DYNC1LI2: variants seen among roughly 807,000 people sequenced by gnomAD.
The protein encoded by DYNC1LI2 is dynein cytoplasmic 1 light intermediate chain 2.
Under a neutral mutation model 57.8 loss-of-function variants are expected in DYNC1LI2, and 19 were observed. The ratio of observed to expected loss-of-function variants is 0.33; its 90% confidence interval spans 0.23 to 0.48. The LOEUF (loss-of-function observed/expected upper bound fraction) is 0.48. Among genes scored for constraint, DYNC1LI2 ranks in the 20% least tolerant of loss-of-function variants. The probability of loss-of-function intolerance (pLI) is 0.99; values close to 1 mark genes in which losing one functional copy is unlikely to be tolerated. For synonymous variants in DYNC1LI2, 256 were observed against 233.4 expected (o/e 1.10, Z -0.88); for missense variants, 470 against 604.2 (o/e 0.78, Z 2.33).
chr16:66,724,164 T>C (rs976616947), intron 12 of DYNC1LI2, among the ~76,000 whole-genome samples: 102 of 152,258 alleles, frequency 6.7e-4, no homozygotes, highest in African/African-American at 2.5e-3. Flanking sequence ...TTCCTAGAGG[T>C]AGTACCTGAA....
chr16:66,732,206 A>G lies in DYNC1LI2; in HGVS notation c.929+133T>C, dbSNP rs1395565264. On this transcript the variant is annotated intron_variant, in intron 7 of 12. Transcript: ENST00000258198. ...GATGCCTCATAATCCGGAAAGGAAC[A>G]GAGAGAAGGTGCAGTGAGAGAGCTG... 2.6e-6 allele frequency: 3 copies of G among 1,145,286 alleles called. No individual in the cohort carries two copies. The African/African-American group carries it at 4.7e-5, about 18-fold the overall frequency. 70.9% of individuals were successfully genotyped at this position (1,145,286 alleles called of 1,614,324 possible). A position where few individuals can be genotyped will look rare whatever the true frequency, so the allele number is the denominator to read the frequency against.
At chr16:66,732,154 G>A (rs944230481) in intron 7 of DYNC1LI2, 185 bp downstream of exon 7, 1 of 787,742 alleles carries the variant, frequency 1.3e-6, no homozygotes, top group Non-Finnish European at 1.9e-6. Context: ...CAGCACCCCT[G>A]ACCACACCAC....
intron 7 of DYNC1LI2, chr16:66,732,128 T>C: frequency 1.8e-6 from 1 of 552,828 alleles, no homozygotes; most frequent in Non-Finnish European, 2.9e-6. Context: ...GGCAACTTGC[T>C]CTCGAGGAAG....
At chr16:66,740,233 G>C (rs2017812581) in intron 4 of DYNC1LI2, among the ~76,000 whole-genome samples, 1 of 152,160 alleles carries the variant, frequency 6.6e-6, no homozygotes, top group Non-Finnish European at 1.5e-5. Flanking sequence ...AACCCTAAAA[G>C]AGACTGGCCG....
chr16:66,730,197 T>C lies in DYNC1LI2; in HGVS notation c.956A>G (p.Lys319Arg). The change falls in exon 8 of 13, where the codon AAA (lysine) becomes AGA (arginine). Residue 319 changes from lysine to arginine, a missense_variant. Lys to Arg is a conservative substitution (Grantham distance 26). Coordinates refer to ENST00000258198, the MANE Select transcript of DYNC1LI2 (RefSeq NM_006141.3). ...AAAATTTTCATGTAAAATAGCTATT[T>C]TCTTTTCATTGTCCCAGCCTGCAGG... ...FIPAGWDNEKKIAILHENFTT... is the reference protein window; with the variant it reads ...FIPAGWDNEKRIAILHENFTT... 1 of 1,613,866 alleles carries C rather than the reference T, an allele frequency of 6.2e-7. No homozygotes were observed. Among genetic ancestry groups the C allele is most frequent in the East Asian group, 2.2e-5 (1 of 44,890 alleles).
chr16:66,722,967 T>C lies in DYNC1LI2; in HGVS notation c.*755A>G, dbSNP rs1023965250. 1.1e-5 allele frequency: 2 copies of C among 178,634 alleles called. No individual in the cohort carries two copies. The highest frequency in any genetic ancestry group is 2.4e-5 in the African/African-American group (1 of 42,516). The allele number at this position is 178,634 out of a possible 1,614,324, so 11.1% of individuals were successfully genotyped here. A position where few individuals can be genotyped will look rare whatever the true frequency, so the allele number is the denominator to read the frequency against. On this transcript the variant is annotated 3_prime_UTR_variant, in exon 13 of 13. Coordinates refer to ENST00000258198, the MANE Select transcript of DYNC1LI2 (RefSeq NM_006141.3). ...CTGTCTGCCCCACAACACATATCCG[T>C]GGACCCCAGTACCTCTCACGAGGAC...
In DYNC1LI2 at chr16:66,729,080, A is replaced by T; in HGVS notation, c.1061T>A (p.Leu354Ter). Reference sequence around the variant, plus strand: ...GAACACCTGCTCATCTTCTGCTGCCAACTCTTTGTCGTGGACCAGCTGTGA... The same window carrying T: ...GAACACCTGCTCATCTTCTGCTGCCTACTCTTTGTCGTGGACCAGCTGTGA... ...PVRKLVHDKE[L>*]AAEDEQVFLM... Residue 354 changes from leucine (L) to a stop codon, truncating the protein, a stop_gained, in exon 9 of 13, where the codon TTG becomes TAG. Coordinates refer to ENST00000258198, the MANE Select transcript of DYNC1LI2 (RefSeq NM_006141.3). LOFTEE classifies it high-confidence loss of function. 1 of 1,614,180 alleles carries T rather than the reference A, an allele frequency of 6.2e-7. No homozygotes were observed. Among genetic ancestry groups the T allele is most frequent in the Admixed American group, 1.7e-5 (1 of 60,026 alleles).
rs71145936 is a variant in DYNC1LI2 at position 66,735,100 on chromosome 16, G to GTTT, written c.700-792_700-790dup. ...ATTTCTCTATGACTGAACTTTGTTT[G>GTTT]TTTTTTTTTTCTTTTTTTTTTGAGA... On this transcript the variant is annotated intron_variant, in intron 5 of 12. Transcript: ENST00000258198. Among the ~76,000 whole-genome samples the GTTT allele has an allele frequency of 3.7e-3, 496 of 134,462 alleles. 2 individuals carry two copies. The highest frequency in any genetic ancestry group is 5.7e-3 in the African/African-American group (206 of 36,120). The allele number at this position is 134,462 out of a possible 152,430, so 88.2% of individuals were successfully genotyped here.
At chr16:66,739,731 T>G (rs1026015788) in intron 4 of DYNC1LI2, among the ~76,000 whole-genome samples, 2 of 152,212 alleles carry the variant, frequency 1.3e-5, no homozygotes, top group African/African-American at 4.8e-5. Context: ...CCTGGCCAAC[T>G]TAGCATTTTA....
At chr16:66,742,299 A>G in intron 4 of DYNC1LI2, 139 bp downstream of exon 4, 1 of 797,032 alleles carries the variant, frequency 1.3e-6, no homozygotes, top group East Asian at 2.7e-5. Context: ...AGTTTACAAG[A>G]GGAACTCTGA....
chr16:66,745,312 T>C, intron 3 of DYNC1LI2, among the ~76,000 whole-genome samples: 1 of 152,148 alleles, frequency 6.6e-6, no homozygotes, highest in East Asian at 1.9e-4. Flanking sequence ...GACTGGAGTG[T>C]AGTGGTGTGG....
intron 3 of DYNC1LI2, among the ~76,000 whole-genome samples, chr16:66,747,022 G>A (rs2017948099): frequency 6.6e-6 from 1 of 151,974 alleles, no homozygotes; most frequent in African/African-American, 2.4e-5. Flanking sequence ...AGTGGGCCTA[G>A]ATGAGTACCC....
chr16:66,729,076 T>C lies in DYNC1LI2; in HGVS notation c.1065A>G (p.Ala355=). The C allele has an allele frequency of 1.9e-6, 3 of 1,614,230 alleles. No individual in the cohort carries two copies. The highest frequency in any genetic ancestry group is 2.5e-6 in the Non-Finnish European group (3 of 1,180,050). Residue 355 remains alanine (A), a synonymous_variant, in exon 9 of 13, where the codon GCA becomes GCG. Coordinates refer to ENST00000258198, the MANE Select transcript of DYNC1LI2 (RefSeq NM_006141.3). ...VRKLVHDKEL[A]AEDEQVFLMK... Reference sequence around the variant, plus strand: ...TTAGGAACACCTGCTCATCTTCTGCTGCCAACTCTTTGTCGTGGACCAGCT... The same window carrying C: ...TTAGGAACACCTGCTCATCTTCTGCCGCCAACTCTTTGTCGTGGACCAGCT...
chr16:66,736,309 A>G (rs1178604180), intron 4 of DYNC1LI2, 65 bp from the exon 5 acceptor site: 11 of 1,564,428 alleles, frequency 7.0e-6, no homozygotes, highest in Non-Finnish European at 9.6e-6. Context: ...GCTTTAGAAC[A>G]CTGAAAAGAA....
intron 3 of DYNC1LI2, among the ~76,000 whole-genome samples, chr16:66,743,833 C>T (rs2017885204): frequency 6.6e-6 from 1 of 152,114 alleles, no homozygotes; most frequent in African/African-American, 2.4e-5. Flanking sequence ...TCATCACTTA[C>T]ATAAACTGAG....
chr16:66,728,234 A>T lies in DYNC1LI2; in HGVS notation c.1110T>A (p.Leu370=), dbSNP rs1407815143. The T allele has an allele frequency of 3.0e-5, 49 of 1,614,024 alleles. No homozygotes were observed. The highest frequency in any genetic ancestry group is 4.0e-5 in the Non-Finnish European group (47 of 1,180,022). The part of the protein sequence containing the change: ...QVFLMKQQSL[L]AKQPATPTRA... The stretch of plus-strand genomic sequence containing the variant: ...TCGTGGGAGTGGCTGGTTGCTTGGC[A>T]AGGAGTGACTGCAAAGAGAGGGACA... Residue 370 remains leucine (L), a synonymous_variant, in exon 10 of 13, where the codon CTT becomes CTA. Coordinates refer to ENST00000258198, the MANE Select transcript of DYNC1LI2 (RefSeq NM_006141.3).
intron 5 of DYNC1LI2, among the ~76,000 whole-genome samples, chr16:66,735,152 G>A (rs2017711364): frequency 7.1e-6 from 1 of 141,672 alleles, no homozygotes; most frequent in African/African-American, 2.6e-5. Flanking sequence ...CATCCCGGAT[G>A]GAGTGCAGTG....
chr16:66,741,897 CAAAAAAAAAAAAA>C (rs66527903), intron 4 of DYNC1LI2, among the ~76,000 whole-genome samples: 2 of 106,812 alleles, frequency 1.9e-5, no homozygotes, highest in East Asian at 2.7e-4. Flanking sequence ...ATGTTAATTA[CAAAAAAAAAAAAA>C]AAAAAAAAAA....
chr16:66,747,461 A>G (rs1407601054), intron 3 of DYNC1LI2, among the ~76,000 whole-genome samples: 3 of 152,214 alleles, frequency 2.0e-5, no homozygotes, highest in African/African-American at 7.2e-5. Context: ...CATTTTAGCA[A>G]TAAGGAAATG....
Sources: gnomAD v4.1 joint callset for allele counts (sites outside exome capture counted in the v4.1 genomes callset) on GRCh38, gnomAD v4.1.1 for gene constraint, MANE v1.5 for transcripts, NCBI Gene and HGNC (gene_info 2026-07-23, HGNC 2026-07-21) for gene names.